Variants in HPSE2 observed in about 807,000 individuals in gnomAD.
The protein encoded by HPSE2 is inactive heparanase-2.
In HPSE2, 38 loss-of-function variants were observed where a neutral mutation model predicts 60.5. The observed-to-expected ratio is 0.63, with a 90% CI of 0.48 to 0.82. The LOEUF (loss-of-function observed/expected upper bound fraction) is 0.82, where lower values mean the gene tolerates loss of function less well. Ranked by LOEUF, HPSE2 falls within the 40% of genes least tolerant of loss-of-function variation. HPSE2 has a pLI of 0.00. For synonymous variants in HPSE2, 295 were observed against 293.2 expected (o/e 1.01, Z -0.06); for missense variants, 713 against 740.4 (o/e 0.96, Z 0.43).
intron 6 of HPSE2, among the ~76,000 whole-genome samples, chr10:98,679,699 G>A (rs548855169): frequency 2.2e-4 from 34 of 152,000 alleles, no homozygotes; most frequent in Non-Finnish European, 4.1e-4. Flanking sequence ...TTTAGTTTTC[G>A]TTTTCTGAGA....
At chr10:98,680,730 T>C (rs11189745) in intron 6 of HPSE2, among the ~76,000 whole-genome samples, 82,749 of 151,954 alleles carry the variant, frequency 0.54, 23,682 homozygotes, top group South Asian at 0.77. Context: ...ACTTGTATGA[T>C]TGAGCTGCAA....
At chr10:99,268,184 T>C in the HPSE2 span, among the ~76,000 whole-genome samples, 1 of 152,148 alleles carries the variant, frequency 6.6e-6, no homozygotes. Flanking sequence ...GCCAAGAAGT[T>C]TGTATCCAGC....
chr10:98,959,223 C>G (rs770227722), intron 3 of HPSE2, among the ~76,000 whole-genome samples: 1 of 151,942 alleles, frequency 6.6e-6, no homozygotes, highest in African/African-American at 2.4e-5. Flanking sequence ...CATTCTGCTA[C>G]AAATTACAAT....
intron 9 of HPSE2, among the ~76,000 whole-genome samples, chr10:98,508,957 T>TA (rs1554923404): frequency 6.6e-6 from 1 of 152,192 alleles, no homozygotes; most frequent in Non-Finnish European, 1.5e-5. Context: ...AACGGCATTA[T>TA]TCAATTTACT....
intron 3 of HPSE2, among the ~76,000 whole-genome samples, chr10:98,768,090 A>T (rs901155158): frequency 9.9e-5 from 15 of 152,082 alleles, no homozygotes; most frequent in African/African-American, 3.6e-4. Flanking sequence ...ATGGGATTGG[A>T]GAGAAATACT....
the HPSE2 span, among the ~76,000 whole-genome samples, chr10:99,292,433 T>C: frequency 6.6e-6 from 1 of 152,196 alleles, no homozygotes; most frequent in East Asian, 1.9e-4. Context: ...GGAGGACATA[T>C]GATTGAACAA....
intron 4 of HPSE2, among the ~76,000 whole-genome samples, chr10:98,742,999 G>A (rs1331033433): frequency 1.5e-5 from 2 of 129,708 alleles, no homozygotes; most frequent in African/African-American, 5.9e-5. Context: ...TTTTGAGATG[G>A]AGTCTTGCTG....
intron 9 of HPSE2, among the ~76,000 whole-genome samples, chr10:98,544,573 C>T (rs559691416): frequency 6.6e-5 from 10 of 151,558 alleles, no homozygotes; most frequent in Admixed American, 1.3e-4. Context: ...ATTAGCCGGG[C>T]GTGGTGGCGG....
At chr10:98,770,662 C>A (rs779427203) in intron 3 of HPSE2, among the ~76,000 whole-genome samples, 4 of 152,130 alleles carry the variant, frequency 2.6e-5, no homozygotes, top group Non-Finnish European at 5.9e-5. Context: ...TCCCCTTCCC[C>A]CAACCACAGA....
intron 2 of HPSE2, among the ~76,000 whole-genome samples, chr10:99,214,895 C>A (rs1849069056): frequency 6.6e-6 from 1 of 152,210 alleles, no homozygotes; most frequent in South Asian, 2.1e-4. Context: ...GAGATACCAT[C>A]TCACATCAGT....
chr10:99,084,173 C>T (rs1320481409), intron 3 of HPSE2, among the ~76,000 whole-genome samples: 1 of 151,942 alleles, frequency 6.6e-6, no homozygotes, highest in Non-Finnish European at 1.5e-5. Flanking sequence ...TCCTCCCTAT[C>T]CTGAAATAAA....
At chr10:98,981,399 G>C (rs1367200427) in intron 3 of HPSE2, among the ~76,000 whole-genome samples, 4 of 152,104 alleles carry the variant, frequency 2.6e-5, no homozygotes, top group Non-Finnish European at 5.9e-5. Flanking sequence ...GCTCTACCAA[G>C]TGCACTCACT....
intron 3 of HPSE2, among the ~76,000 whole-genome samples, chr10:98,912,995 A>G (rs1472759525): frequency 6.6e-6 from 1 of 152,216 alleles, no homozygotes. Flanking sequence ...ATTTTCCATT[A>G]TGTGATTATT....
At chr10:98,575,660 G>A (rs1402411565) in intron 9 of HPSE2, among the ~76,000 whole-genome samples, 2 of 152,138 alleles carry the variant, frequency 1.3e-5, no homozygotes, top group Non-Finnish European at 2.9e-5. Flanking sequence ...AGAGAGATGA[G>A]GTAATTTGCT....
intron 3 of HPSE2, chr10:99,047,898 C>T: frequency 1.3e-6 from 1 of 763,134 alleles, no homozygotes; most frequent in Non-Finnish European, 2.4e-6. Flanking sequence ...CCTTCAGAAC[C>T]CAAACTGGCG....
chr10:98,842,407 G>C (rs1445814751), intron 3 of HPSE2, among the ~76,000 whole-genome samples: 1 of 152,104 alleles, frequency 6.6e-6, no homozygotes, highest in Non-Finnish European at 1.5e-5. Flanking sequence ...GCAGCATCCA[G>C]TTGGTTGAAC....
intron 9 of HPSE2, among the ~76,000 whole-genome samples, chr10:98,529,165 T>C (rs1159031677): frequency 6.6e-6 from 1 of 152,272 alleles, no homozygotes; most frequent in Non-Finnish European, 1.5e-5. Context: ...AAGTAAATTT[T>C]CTATTTTCTC....
At chr10:98,989,764 C>G (rs1346350161) in intron 3 of HPSE2, among the ~76,000 whole-genome samples, 1 of 152,090 alleles carries the variant, frequency 6.6e-6, no homozygotes, top group Non-Finnish European at 1.5e-5. Flanking sequence ...CTGATTGCCA[C>G]ACAGTATACA....
At chr10:99,180,903 A>C (rs1178938021) in intron 2 of HPSE2, among the ~76,000 whole-genome samples, 4 of 148,456 alleles carry the variant, frequency 2.7e-5, no homozygotes, top group Non-Finnish European at 4.5e-5. Flanking sequence ...AAAAAAAAAA[A>C]AAAAAAAAAA....
Sources: allele counts gnomAD v4.1 joint callset (sites outside exome capture counted in the v4.1 genomes callset), GRCh38; gene constraint gnomAD v4.1.1; transcripts MANE v1.5; gene names NCBI Gene and HGNC (gene_info 2026-07-23, HGNC 2026-07-21).